Variants in QTGAL observed in about 807,000 individuals in gnomAD.
QTGAL encodes the protein queuosine-tRNA galactosyltransferase.
the QTGAL span, among the ~76,000 whole-genome samples, chr17:83,011,230 G>A: frequency 6.6e-6 from 1 of 152,340 alleles, no homozygotes; most frequent in Admixed American, 6.5e-5. Flanking sequence ...TGGCCCTCAG[G>A]AACGGGGGCA....
the QTGAL span, among the ~76,000 whole-genome samples, chr17:83,045,029 G>A: frequency 0.38 from 57,175 of 151,696 alleles, 11,254 homozygotes; most frequent in East Asian, 0.58. Flanking sequence ...TTAAATACAG[G>A]AAATCCTAAA....
chr17:83,038,790 T>C, the QTGAL span, among the ~76,000 whole-genome samples: 1 of 151,102 alleles, frequency 6.6e-6, no homozygotes, highest in Non-Finnish European at 1.5e-5. Context: ...ACCTGGGAGG[T>C]GGAGCTTGCA....
At chr17:83,029,058 G>T in the QTGAL span, among the ~76,000 whole-genome samples, 5 of 152,238 alleles carry the variant, frequency 3.3e-5, no homozygotes, top group East Asian at 9.6e-4. Flanking sequence ...TCAGGGCAGT[G>T]GCTGCCGTGG....
the QTGAL span, chr17:82,944,742 C>T: frequency 6.6e-6 from 1 of 152,310 alleles, no homozygotes; most frequent in South Asian, 2.1e-4. Flanking sequence ...CAGAAACCCT[C>T]CATGTGAGAG....
At chr17:83,045,964 A>T in the QTGAL span, among the ~76,000 whole-genome samples, 4,569 of 147,814 alleles carry the variant, frequency 0.031, 235 homozygotes, top group African/African-American at 0.11. Context: ...GCTGGGATTA[A>T]AGGCCGCTGC....
At chr17:82,969,263 G>A in the QTGAL span, among the ~76,000 whole-genome samples, 1 of 151,722 alleles carries the variant, frequency 6.6e-6, no homozygotes, top group East Asian at 2.0e-4. Flanking sequence ...GCATTCAAGC[G>A]ATTCTTGTGC....
chr17:82,942,764 C>T, the QTGAL span: 3 of 508,410 alleles, frequency 5.9e-6, no homozygotes, highest in African/African-American at 2.0e-5. Context: ...GCTCACTGCC[C>T]AGGGGTCAGC....
the QTGAL span, among the ~76,000 whole-genome samples, chr17:83,042,270 G>A: frequency 1.3e-3 from 191 of 152,254 alleles, no homozygotes; most frequent in Admixed American, 3.1e-3. Flanking sequence ...GGGAGGCTGA[G>A]GCACAAGAAT....
the QTGAL span, among the ~76,000 whole-genome samples, chr17:83,044,165 C>T: frequency 6.6e-6 from 1 of 152,174 alleles, no homozygotes; most frequent in Non-Finnish European, 1.5e-5. Context: ...ACCGAAGCCA[C>T]ACAAAGATAT....
the QTGAL span, among the ~76,000 whole-genome samples, chr17:83,032,329 C>T: frequency 7.5e-5 from 10 of 133,184 alleles, no homozygotes; most frequent in Non-Finnish European, 1.3e-4. Context: ...TGACGCAGAC[C>T]GAACTCGGGA....
chr17:82,981,954 A>G, the QTGAL span, among the ~76,000 whole-genome samples: 1 of 152,288 alleles, frequency 6.6e-6, no homozygotes. Flanking sequence ...TATTCATTAA[A>G]TGGAAGTGGA....
At chr17:82,951,473 T>G in the QTGAL span, among the ~76,000 whole-genome samples, 24 of 152,332 alleles carry the variant, frequency 1.6e-4, no homozygotes, top group African/African-American at 5.5e-4. Flanking sequence ...GGGAATGTTG[T>G]GGCTGGTTTG....
At chr17:83,038,873 A>AAAGATAATGAAAACAAG in the QTGAL span, among the ~76,000 whole-genome samples, 12 of 139,012 alleles carry the variant, frequency 8.6e-5, no homozygotes, top group South Asian at 2.3e-4. Context: ...ACAACAAAAA[A>AAAGATAATGAAAACAAG]ATATTAAAAG....
chr17:83,016,414 G>A, the QTGAL span, among the ~76,000 whole-genome samples: 1 of 151,932 alleles, frequency 6.6e-6, no homozygotes, highest in Admixed American at 6.5e-5. Flanking sequence ...GGGCTGAAGA[G>A]AGGAGGCTGG....
chr17:83,020,220 G>A, the QTGAL span, among the ~76,000 whole-genome samples: 2 of 152,112 alleles, frequency 1.3e-5, no homozygotes, highest in South Asian at 4.2e-4. Context: ...AAACCAAAGC[G>A]ATATAAAGTG....
the QTGAL span, among the ~76,000 whole-genome samples, chr17:83,044,883 T>G: frequency 6.6e-6 from 1 of 151,986 alleles, no homozygotes. Context: ...GTGGCGGAGC[T>G]TGCAGTGAGC....
chr17:82,974,270 C>T, the QTGAL span, among the ~76,000 whole-genome samples: 8,083 of 152,290 alleles, frequency 0.053, 289 homozygotes, highest in Non-Finnish European at 0.08. Context: ...TGAGGCCGCC[C>T]GGGTGGCCGG....
At chr17:83,044,405 G>C in the QTGAL span, among the ~76,000 whole-genome samples, 1 of 152,068 alleles carries the variant, frequency 6.6e-6, no homozygotes. Context: ...TCTCAAATTG[G>C]TGTCAAAAAG....
At chr17:82,991,185 T>G in the QTGAL span, among the ~76,000 whole-genome samples, 1 of 152,200 alleles carries the variant, frequency 6.6e-6, no homozygotes, top group East Asian at 1.9e-4. Context: ...AAAGATTTCT[T>G]AGATACAACA....
Sources: gnomAD v4.1 joint callset for allele counts (sites outside exome capture counted in the v4.1 genomes callset) on GRCh38, gnomAD v4.1.1 for gene constraint, MANE v1.5 for transcripts, NCBI Gene and HGNC (gene_info 2026-07-23, HGNC 2026-07-21) for gene names.